RELN: variants seen among roughly 807,000 people sequenced by gnomAD.
RELN encodes the protein reelin.
In RELN, 108 loss-of-function variants were observed where a neutral mutation model predicts 427.6. The observed-to-expected ratio is 0.25, with a 90% CI of 0.22 to 0.30. The LOEUF (loss-of-function observed/expected upper bound fraction) is 0.30, where lower values mean the gene tolerates loss of function less well. Among genes scored for constraint, RELN ranks in the 10% least tolerant of loss-of-function variants. The pLI, the probability that RELN is intolerant of heterozygous loss-of-function variation, is 1.00. For synonymous variants in RELN, 1,524 were observed against 1,513.4 expected, an observed-to-expected ratio of 1.01 and a Z score of -0.16; for missense variants, 3,715 against 4,302.8, an observed-to-expected ratio of 0.86 and a Z score of 3.82.
At chr7:103,632,034 A>C (rs1005781101) in intron 19 of RELN, among the ~76,000 whole-genome samples, 1 of 152,224 alleles carries the variant, frequency 6.6e-6, no homozygotes, top group African/African-American at 2.4e-5. Flanking sequence ...ATTTTTTAAC[A>C]TAACAACTGG....
At chr7:103,781,101 A>G (rs1286581005) in intron 3 of RELN, among the ~76,000 whole-genome samples, 1 of 152,216 alleles carries the variant, frequency 6.6e-6, no homozygotes, top group Non-Finnish European at 1.5e-5. Context: ...TAGTATTTCT[A>G]AAGGTCTGCA....
chr7:103,783,286 A>G (rs945841427), intron 3 of RELN, among the ~76,000 whole-genome samples: 3 of 151,458 alleles, frequency 2.0e-5, no homozygotes, highest in Non-Finnish European at 4.4e-5. Flanking sequence ...TAAAACGTAC[A>G]GTGCATTCTA....
At chr7:103,575,742 A>AC in intron 28 of RELN, 37 bp from the exon 29 acceptor site, 1 of 1,610,918 alleles carries the variant, frequency 6.2e-7, no homozygotes. Flanking sequence ...TCTTGTACCA[A>AC]CATCTCATAT....
chr7:103,914,735 G>T (rs896300413), intron 2 of RELN, among the ~76,000 whole-genome samples: 1 of 152,034 alleles, frequency 6.6e-6, no homozygotes, highest in Admixed American at 6.6e-5. Context: ...GATGAATACT[G>T]CATCTACAAG....
chr7:103,551,006 T>C, intron 41 of RELN, 61 bp downstream of exon 41: 2 of 1,390,742 alleles, frequency 1.4e-6, no homozygotes, highest in Admixed American at 3.6e-5. Flanking sequence ...AAGTGAACGA[T>C]GACTTCAGGA....
chr7:103,764,709 G>A (rs2116148965), intron 4 of RELN, among the ~76,000 whole-genome samples: 1 of 151,880 alleles, frequency 6.6e-6, no homozygotes, highest in East Asian at 1.9e-4. Flanking sequence ...GGTGGTGCAT[G>A]CCTGTAGTCC....
chr7:103,930,672 G>A (rs938591940), intron 1 of RELN, among the ~76,000 whole-genome samples: 1 of 151,956 alleles, frequency 6.6e-6, no homozygotes, highest in Non-Finnish European at 1.5e-5. Context: ...TAGATATGTG[G>A]CCCAGGCTGG....
intron 16 of RELN, among the ~76,000 whole-genome samples, chr7:103,646,070 A>C (rs1293586662): frequency 6.6e-6 from 1 of 151,886 alleles, no homozygotes; most frequent in East Asian, 1.9e-4. Context: ...AAATTAAAAA[A>C]AATTTTGAAA....
intron 2 of RELN, among the ~76,000 whole-genome samples, chr7:103,847,123 T>C (rs1332795968): frequency 6.6e-6 from 1 of 152,206 alleles, no homozygotes; most frequent in Non-Finnish European, 1.5e-5. Context: ...TGCGCATGTA[T>C]GTTTATTGCG....
intron 28 of RELN, among the ~76,000 whole-genome samples, chr7:103,585,272 G>T (rs1419549399): frequency 6.6e-6 from 1 of 152,108 alleles, no homozygotes. Context: ...ATGATAAGTT[G>T]CCTCTTTGAA....
chr7:103,830,837 T>C (rs1002281803), intron 3 of RELN, among the ~76,000 whole-genome samples: 3 of 152,088 alleles, frequency 2.0e-5, no homozygotes, highest in Non-Finnish European at 4.4e-5. Flanking sequence ...AACATTATCA[T>C]GGCTTATGAG....
intron 27 of RELN, among the ~76,000 whole-genome samples, chr7:103,592,085 T>C (rs1584324791): frequency 6.6e-6 from 1 of 152,158 alleles, no homozygotes; most frequent in Admixed American, 6.6e-5. Flanking sequence ...AATTTTGTTA[T>C]ATAGGTAAAC....
chr7:103,979,693 C>T (rs756788585), intron 1 of RELN, among the ~76,000 whole-genome samples: 51 of 152,196 alleles, frequency 3.4e-4, no homozygotes, highest in Non-Finnish European at 6.2e-4. Flanking sequence ...GTTTCACAGG[C>T]TGTGCCTGCA....
At chr7:103,781,079 A>G (rs73412888) in intron 3 of RELN, among the ~76,000 whole-genome samples, 12 of 152,262 alleles carry the variant, frequency 7.9e-5, no homozygotes, top group African/African-American at 2.9e-4. Flanking sequence ...CACCCTATAG[A>G]AGACGCATGG....
chr7:103,756,236 A>C (rs650974), intron 4 of RELN, among the ~76,000 whole-genome samples: 77,221 of 151,984 alleles, frequency 0.51, 20,004 homozygotes, highest in African/African-American at 0.6. Context: ...ACTGAAACAT[A>C]TACATCACAA....
chr7:103,985,965 CACAAAACAAA>C (rs1333602012), intron 1 of RELN, among the ~76,000 whole-genome samples: 1 of 151,908 alleles, frequency 6.6e-6, no homozygotes, highest in Non-Finnish European at 1.5e-5. Flanking sequence ...CTTTCTACCA[CACAAAACAAA>C]ACAAAACAAA....
intron 1 of RELN, among the ~76,000 whole-genome samples, chr7:103,972,312 G>A (rs1006027593): frequency 2.6e-5 from 4 of 152,142 alleles, no homozygotes; most frequent in Non-Finnish European, 4.4e-5. Context: ...CTGCATGCAC[G>A]TATGCAAATT....
intron 52 of RELN, 57 bp from the exon 53 acceptor site, chr7:103,500,979 C>T: frequency 6.8e-7 from 1 of 1,464,100 alleles, no homozygotes; most frequent in South Asian, 1.1e-5. Flanking sequence ...TATTTAGGTC[C>T]ATTGTCCTGC....
intron 4 of RELN, among the ~76,000 whole-genome samples, chr7:103,773,389 C>T (rs1486136695): frequency 1.1e-4 from 14 of 122,076 alleles, no homozygotes; most frequent in Admixed American, 1.6e-4. Flanking sequence ...CTCCCTCCCT[C>T]GCTCCCTCCC....
Sources: gnomAD v4.1 joint callset for allele counts (sites outside exome capture counted in the v4.1 genomes callset) on GRCh38, gnomAD v4.1.1 for gene constraint, MANE v1.5 for transcripts, NCBI Gene and HGNC (gene_info 2026-07-23, HGNC 2026-07-21) for gene names.